The following ZDHHC20 variants were observed in gnomAD, a reference collection of about 807,000 sequenced individuals.
ZDHHC20 encodes zDHHC palmitoyltransferase 20.
A neutral mutation model predicts 57.8 loss-of-function variants in ZDHHC20; 43 were observed. That is an observed-to-expected ratio of 0.74 (90% CI 0.58 to 0.96). The LOEUF (loss-of-function observed/expected upper bound fraction) is 0.96. Ranked by LOEUF, ZDHHC20 falls within the 40% of genes least tolerant of loss-of-function variation. The probability of loss-of-function intolerance (pLI) is 0.00; values close to 1 mark genes in which losing one functional copy is unlikely to be tolerated. For missense variants in ZDHHC20, 391 were observed against 441.1 expected (o/e 0.89, Z 1.02); for synonymous variants, 157 against 153.0 (o/e 1.03, Z -0.19).
chr13:21,431,031 GTT>G (rs1186524378), intron 1 of ZDHHC20, among the ~76,000 whole-genome samples: 4 of 152,142 alleles, frequency 2.6e-5, no homozygotes, highest in African/African-American at 9.7e-5. Context: ...CCATTAATCA[GTT>G]CATAGGCATT....
At chr13:21,398,111 T>G (rs959906809) in intron 7 of ZDHHC20, among the ~76,000 whole-genome samples, 16 of 152,184 alleles carry the variant, frequency 1.1e-4, no homozygotes, top group Admixed American at 1.0e-3. Flanking sequence ...ATTCTGGCTA[T>G]TCACTCAGCA....
intron 3 of ZDHHC20, among the ~76,000 whole-genome samples, chr13:21,417,658 C>T (rs536687821): frequency 3.9e-5 from 6 of 152,100 alleles, no homozygotes; most frequent in Non-Finnish European, 5.9e-5. Flanking sequence ...AGGCTGGTCT[C>T]GAACTCCTGA....
At chr13:21,449,636 T>C (rs1593286217) in intron 1 of ZDHHC20, among the ~76,000 whole-genome samples, 1 of 151,920 alleles carries the variant, frequency 6.6e-6, no homozygotes, top group South Asian at 2.1e-4. Context: ...CAAATTATTA[T>C]TATTATTATA....
chr13:21,430,523 G>A (rs935204026), intron 1 of ZDHHC20, among the ~76,000 whole-genome samples: 1 of 151,958 alleles, frequency 6.6e-6, no homozygotes, highest in Non-Finnish European at 1.5e-5. Flanking sequence ...GGGGGGTCTT[G>A]TTACAGCTGG....
chr13:21,449,345 G>A (rs1884215107), intron 1 of ZDHHC20, among the ~76,000 whole-genome samples: 1 of 152,188 alleles, frequency 6.6e-6, no homozygotes, highest in African/African-American at 2.4e-5. Flanking sequence ...CAGTCATCAG[G>A]CAGCTCGAAT....
intron 1 of ZDHHC20, among the ~76,000 whole-genome samples, chr13:21,454,922 T>C (rs769418151): frequency 6.6e-6 from 1 of 151,916 alleles, no homozygotes; most frequent in South Asian, 2.1e-4. Flanking sequence ...TGTTTGTTGG[T>C]TTGTTGGTTC....
At chr13:21,432,967 G>A (rs529134941) in intron 1 of ZDHHC20, among the ~76,000 whole-genome samples, 1 of 152,216 alleles carries the variant, frequency 6.6e-6, no homozygotes, top group South Asian at 2.1e-4. Flanking sequence ...ACTCTATTTT[G>A]TTCCACTGGT....
rs558026892 is a variant in ZDHHC20 at position 21,420,696 on chromosome 13, C to CAT, written c.249+363_249+364dup. ...ATCACAAAACTTTCTTTAATTGCAG[C>CAT]ATATCTGTTCATGCCTGAGAAAATA... On this transcript the variant is annotated intron_variant, in intron 3 of 12. Coordinates refer to ENST00000400590, the MANE Select transcript of ZDHHC20 (RefSeq NM_001330059.2). 2.1e-3 allele frequency among the ~76,000 whole-genome samples: 324 copies of CAT among 152,358 alleles called. 1 individual carries two copies. The highest frequency in any genetic ancestry group is 3.5e-3 in the Non-Finnish European group (235 of 68,034).
At chr13:21,405,901 C>T (rs9509685) in intron 4 of ZDHHC20, among the ~76,000 whole-genome samples, 26,311 of 152,198 alleles carry the variant, frequency 0.17, 2,804 homozygotes, top group Non-Finnish European at 0.25. Flanking sequence ...TGCTTGGGTG[C>T]ACCAGCAGGA....
At chr13:21,382,780 A>G (rs1873656852) in intron 10 of ZDHHC20, 140 bp downstream of exon 10, 1 of 640,502 alleles carries the variant, frequency 1.6e-6, no homozygotes, top group Admixed American at 3.3e-5. Context: ...AACCTCAGTT[A>G]AAAAAATTTA....
intron 1 of ZDHHC20, among the ~76,000 whole-genome samples, chr13:21,445,603 A>G (rs1883611605): frequency 1.3e-5 from 2 of 152,240 alleles, no homozygotes; most frequent in African/African-American, 2.4e-5. Flanking sequence ...CCGATTATCA[A>G]TAATTGCAAG....
chr13:21,426,507 T>C (rs1881263287), intron 1 of ZDHHC20, among the ~76,000 whole-genome samples: 1 of 152,194 alleles, frequency 6.6e-6, no homozygotes, highest in African/African-American at 2.4e-5. Context: ...TGAGTCACTT[T>C]CAGAATGAAG....
intron 5 of ZDHHC20, 130 bp downstream of exon 5, chr13:21,402,667 A>G (rs1349002094): frequency 1.4e-6 from 1 of 731,328 alleles, no homozygotes; most frequent in African/African-American, 1.8e-5. Flanking sequence ...CCCTGTATGC[A>G]CAGCAAATAA....
chr13:21,382,864 A>C (rs1593173179), intron 10 of ZDHHC20, 56 bp downstream of exon 10: 1 of 1,353,006 alleles, frequency 7.4e-7, no homozygotes, highest in East Asian at 2.5e-5. Flanking sequence ...CACACAACAC[A>C]TGTATACGGT....
rs1030491282 is a variant in ZDHHC20 at position 21,382,902 on chromosome 13, T to A, written c.944+18A>T. The A allele has an allele frequency of 5.2e-6, 8 of 1,545,196 alleles. No homozygotes were observed. The highest frequency in any genetic ancestry group is 6.1e-6 in the Non-Finnish European group (7 of 1,140,262). On this transcript the variant is annotated intron_variant, in intron 10 of 12. Transcript: ENST00000400590. ...GCTTTATGATGAATATAGAAAAGCA[T>A]AAGGACAATAAGCATACCTTCTGGC...
Position 21,421,123 on chromosome 13 carries a change from CAAA to C in ZDHHC20, c.184_186del (p.Phe62del), listed in dbSNP as rs1406147790. 2 of 1,613,234 alleles carry C rather than the reference CAAA, an allele frequency of 1.2e-6. No homozygotes were observed. Among genetic ancestry groups the C allele is most frequent in the Non-Finnish European group, 1.7e-6 (2 of 1,179,670 alleles). On this transcript the variant is annotated inframe_deletion, in exon 3 of 13. Coordinates refer to ENST00000400590, the MANE Select transcript of ZDHHC20 (RefSeq NM_001330059.2). The stretch of plus-strand genomic sequence containing the variant: ...ATCCAATAGGACCATACAAACATAA[CAAA>C]GAACAGATGGAAAGCCACAAGGTAA...
At chr13:21,458,599 G>A (rs1021159791) in intron 1 of ZDHHC20, among the ~76,000 whole-genome samples, 2 of 152,136 alleles carry the variant, frequency 1.3e-5, no homozygotes, top group African/African-American at 4.8e-5. Flanking sequence ...GGCTCTACAG[G>A]TAACAGGCGT....
rs1268109711 is a variant in ZDHHC20, at chr13:21,402,857, T to C, written c.380A>G (p.Tyr127Cys). 1.8e-5 allele frequency: 28 copies of C among 1,592,178 alleles called. No homozygotes were observed. The highest frequency in any genetic ancestry group is 2.4e-5 in the Non-Finnish European group (28 of 1,168,592). Reference sequence around the variant, plus strand: ...TTTAATCAGCTGACATTTTTCACAATATCTGATAGCTACATGAAAGAAGTA... The same window carrying C: ...TTTAATCAGCTGACATTTTTCACAACATCTGATAGCTACATGAAAGAAGTA... ...YTTSASKTIRYCEKCQLIKPD... is the reference protein window; with the variant it reads ...YTTSASKTIRCCEKCQLIKPD... The change falls in exon 5 of 13, where the codon TAT becomes TGT. Residue 127 changes from tyrosine to cysteine, a missense_variant. By Grantham distance (194) the Tyr-to-Cys change is radical. Coordinates refer to ENST00000400590, the MANE Select transcript of ZDHHC20 (RefSeq NM_001330059.2).
intron 1 of ZDHHC20, among the ~76,000 whole-genome samples, chr13:21,458,763 C>T (rs1220418443): frequency 6.6e-6 from 1 of 152,248 alleles, no homozygotes; most frequent in Non-Finnish European, 1.5e-5. Context: ...CAGAAGGATG[C>T]AGACCCCCGG....
Sources: gnomAD v4.1 joint callset for allele counts (sites outside exome capture counted in the v4.1 genomes callset) on GRCh38, gnomAD v4.1.1 for gene constraint, MANE v1.5 for transcripts, NCBI Gene and HGNC (gene_info 2026-07-23, HGNC 2026-07-21) for gene names.